PLPBP: variants seen among roughly 807,000 people sequenced by gnomAD.
PLPBP encodes the protein pyridoxal phosphate binding protein, also known as pyridoxal phosphate homeostasis protein.
PLPBP carries 21 observed loss-of-function variants against 31.2 expected under a neutral mutation model. That is an observed-to-expected ratio of 0.67 (90% CI 0.48 to 0.97). The LOEUF (loss-of-function observed/expected upper bound fraction) is 0.97. PLPBP is among the 50% of genes least tolerant of loss of function. The pLI is 0.00. For missense variants in PLPBP, 308 were observed against 354.4 expected (o/e 0.87, Z 1.05); for synonymous variants, 124 against 135.6 (o/e 0.91, Z 0.59).
intron 1 of PLPBP, among the ~76,000 whole-genome samples, chr8:37,764,071 C>CTTTTTTTTTTTTT (rs111913973): frequency 2.4e-5 from 3 of 126,870 alleles, no homozygotes; most frequent in Admixed American, 7.8e-5. Flanking sequence ...TCTTTTCTTT[C>CTTTTTTTTTTTTT]TTTTTTTTTT....
chr8:37,762,605 A>G (rs1449182608), upstream of PLPBP: 10 of 1,533,436 alleles, frequency 6.5e-6, no homozygotes, highest in Non-Finnish European at 7.9e-6. Context: ...GAACCGGAAG[A>G]TGGTGTGAGC....
intron 7 of PLPBP, among the ~76,000 whole-genome samples, chr8:37,776,260 G>A (rs1020891307): frequency 5.3e-5 from 8 of 151,714 alleles, no homozygotes; most frequent in African/African-American, 1.5e-4. Context: ...GGCAGATCAC[G>A]AGGTCAGGAG....
intron 4 of PLPBP, among the ~76,000 whole-genome samples, chr8:37,769,619 A>T (rs1386871571): frequency 6.6e-6 from 1 of 152,190 alleles, no homozygotes; most frequent in East Asian, 1.9e-4. Context: ...AGAGAAATAC[A>T]AAATCACTAA....
intron 5 of PLPBP, among the ~76,000 whole-genome samples, chr8:37,774,310 G>T (rs984557441): frequency 6.6e-6 from 1 of 152,240 alleles, no homozygotes. Flanking sequence ...ATAGAAGCAT[G>T]GGCTTTGAAA....
chr8:37,776,518 G>C (rs370541793), intron 7 of PLPBP, among the ~76,000 whole-genome samples: 1 of 116,964 alleles, frequency 8.5e-6, no homozygotes, highest in African/African-American at 3.2e-5. Context: ...AGAAAGAAAA[G>C]AAATGTATAG....
At chr8:37,775,517 A>G in intron 6 of PLPBP, 36 bp downstream of exon 6, 1 of 1,612,218 alleles carries the variant, frequency 6.2e-7, no homozygotes. Flanking sequence ...CGTGTGCTAA[A>G]GAAGCAGGGT....
chr8:37,776,497 A>AG (rs1469699454), intron 7 of PLPBP, among the ~76,000 whole-genome samples: 3 of 150,564 alleles, frequency 2.0e-5, no homozygotes, highest in African/African-American at 7.3e-5. Context: ...AAAAAAAAAA[A>AG]AAAAAACAAA....
chr8:37,773,340 G>C (rs750303907), intron 5 of PLPBP, among the ~76,000 whole-genome samples: 1 of 151,104 alleles, frequency 6.6e-6, no homozygotes, highest in South Asian at 2.1e-4. Flanking sequence ...GCTAATTTTT[G>C]TATTTGTAAT....
At chr8:37,765,471 T>G in intron 1 of PLPBP, 55 bp from the exon 2 acceptor site, 3 of 1,490,010 alleles carry the variant, frequency 2.0e-6, no homozygotes, top group Non-Finnish European at 2.8e-6. Context: ...CCTATGGGAT[T>G]CATTGGGGTA....
intron 1 of PLPBP, 51 bp downstream of exon 1, chr8:37,762,809 G>A: frequency 6.6e-7 from 1 of 1,525,094 alleles, no homozygotes; most frequent in Non-Finnish European, 8.8e-7. Flanking sequence ...TGAGAAGAGG[G>A]ACACCTGCGT....
At chr8:37,767,281 A>G (rs1308847799) in intron 4 of PLPBP, among the ~76,000 whole-genome samples, 2 of 152,188 alleles carry the variant, frequency 1.3e-5, no homozygotes, top group Non-Finnish European at 2.9e-5. Flanking sequence ...CATCACAACA[A>G]ACAGTGAGCA....
rs180946462 is a variant in PLPBP at position 37,777,804 on chromosome 8, C to T, written c.697-169C>T. ...GTCAGGCTGGTCTCAAACCCCTGAT[C>T]TCGTGATCTGCCCACCTCGGCCTCC... On this transcript the variant is annotated intron_variant, in intron 7 of 7. Coordinates refer to ENST00000328195, the MANE Select transcript of PLPBP (RefSeq NM_007198.4). Among the ~76,000 whole-genome samples the T allele has an allele frequency of 5.6e-3, 849 of 152,336 alleles. 11 individuals carry two copies. The highest frequency in any genetic ancestry group is 0.019 in the African/African-American group (794 of 41,574).
rs761356496 is a variant in PLPBP at position 37,765,580 on chromosome 8, G to T, written c.154G>T (p.Asp52Tyr). The part of the protein sequence containing the change: ...LVAVSKTKPA[D>Y]MVIEAYGHGQ... ...GGCGGTCAGCAAAACCAAACCTGCAGACATGGTGATCGAGGCCTATGGACA... is the reference window on the plus strand; with the variant it reads ...GGCGGTCAGCAAAACCAAACCTGCATACATGGTGATCGAGGCCTATGGACA... Residue 52 changes from aspartate to tyrosine, a missense_variant, in exon 2 of 8, where the codon GAC becomes TAC. Asp to Tyr is a radical substitution (Grantham distance 160, BLOSUM62 -3). This residue lies in a region of PLPBP where 120 missense variants were observed against 95.1 expected (regional missense o/e 1.26). Transcript: ENST00000328195. 4 of 1,614,092 alleles carry T rather than the reference G, an allele frequency of 2.5e-6. No homozygotes were observed. The highest frequency in any genetic ancestry group is 3.4e-6 in the Non-Finnish European group (4 of 1,179,960).
intron 5 of PLPBP, 97 bp downstream of exon 5, chr8:37,772,986 T>C (rs1378578591): frequency 6.7e-7 from 1 of 1,485,836 alleles, no homozygotes; most frequent in Non-Finnish European, 9.2e-7. Context: ...GATAAGGTTA[T>C]AGAAACAAAT....
chr8:37,776,779 T>A (rs116396730), intron 7 of PLPBP, among the ~76,000 whole-genome samples: 1 of 152,116 alleles, frequency 6.6e-6, no homozygotes, highest in African/African-American at 2.4e-5. Context: ...TGTTTGTTTT[T>A]TTTTGGAGAC....
At position 37,778,248 on chromosome 8, in the gene PLPBP, G is replaced by A; in HGVS notation, c.*144G>A. On this transcript the variant is annotated 3_prime_UTR_variant, in exon 8 of 8. Coordinates refer to ENST00000328195, the MANE Select transcript of PLPBP (RefSeq NM_007198.4). ...TGTTGATGGAAACCATCTGTGCTTAGTCTCTGACATAGGAAGCTTGCTTCA... is the reference window on the plus strand; with the variant it reads ...TGTTGATGGAAACCATCTGTGCTTAATCTCTGACATAGGAAGCTTGCTTCA... The A allele has an allele frequency of 9.7e-7, 1 of 1,034,856 alleles. No homozygotes were observed. The highest frequency in any genetic ancestry group is 1.3e-6 in the Non-Finnish European group (1 of 744,268). 64.1% of individuals were successfully genotyped at this position (1,034,856 alleles called of 1,614,324 possible).
At chr8:37,762,580 G>A, upstream of PLPBP, 3 of 1,511,194 alleles carry the variant, frequency 2.0e-6, no homozygotes, top group East Asian at 5.0e-5. Flanking sequence ...TGGTTCACAC[G>A]GCGCAAGCTG....
At chr8:37,773,008 A>C in intron 5 of PLPBP, 119 bp downstream of exon 5, 2 of 1,366,204 alleles carry the variant, frequency 1.5e-6, no homozygotes, top group South Asian at 2.7e-5. Flanking sequence ...ACAGGATCAC[A>C]GGCCTCTAAG....
chr8:37,775,282 C>A, intron 5 of PLPBP, 57 bp from the exon 6 acceptor site: 3 of 1,596,304 alleles, frequency 1.9e-6, no homozygotes, highest in Non-Finnish European at 2.6e-6. Flanking sequence ...GAAAATGGAG[C>A]CTTCCTCTGG....
Sources: gnomAD v4.1 joint callset for allele counts (sites outside exome capture counted in the v4.1 genomes callset) on GRCh38, gnomAD v4.1.1 for gene constraint, gnomAD v4.1.1 regional missense constraint, MANE v1.5 for transcripts, NCBI Gene and HGNC (gene_info 2026-07-23, HGNC 2026-07-21) for gene names.